CNTN4: variants seen among roughly 807,000 people sequenced by gnomAD.
CNTN4 encodes the protein contactin-4.
In CNTN4, 77 loss-of-function variants were observed where a neutral mutation model predicts 122.5. The observed-to-expected ratio is 0.63, with a 90% CI of 0.52 to 0.76. CNTN4 has a LOEUF of 0.76. CNTN4 is among the 30% of genes least tolerant of loss of function. The pLI is 0.00. For synonymous variants in CNTN4, 512 were observed against 447.0 expected, an observed-to-expected ratio of 1.15 and a Z score of -1.83; for missense variants, 1,256 against 1,259.1, an observed-to-expected ratio of 1.00 and a Z score of 0.04.
chr3:2,916,902 C>T (rs896275846), intron 12 of CNTN4, among the ~76,000 whole-genome samples: 6 of 150,374 alleles, frequency 4.0e-5, no homozygotes, highest in African/African-American at 7.4e-5. Context: ...GACGGGGTGG[C>T]GGCCGGGCAG....
At chr3:2,776,758 C>G (rs974241559) in intron 6 of CNTN4, among the ~76,000 whole-genome samples, 2 of 152,066 alleles carry the variant, frequency 1.3e-5, no homozygotes, top group Non-Finnish European at 2.9e-5. Context: ...TTTAACTGCA[C>G]TAAATTTTAT....
intron 6 of CNTN4, among the ~76,000 whole-genome samples, chr3:2,752,547 T>C (rs2090145773): frequency 6.6e-6 from 1 of 152,046 alleles, no homozygotes; most frequent in Non-Finnish European, 1.5e-5. Context: ...TCTATTTTTA[T>C]AGAGACAGGG....
chr3:2,578,867 T>C (rs923228599), intron 4 of CNTN4, among the ~76,000 whole-genome samples: 5 of 152,074 alleles, frequency 3.3e-5, no homozygotes, highest in Non-Finnish European at 5.9e-5. Context: ...AGTGACTCCA[T>C]TGATGAAAGT....
intron 2 of CNTN4, among the ~76,000 whole-genome samples, chr3:2,338,700 C>T (rs1316639784): frequency 6.6e-6 from 1 of 152,024 alleles, no homozygotes; most frequent in Non-Finnish European, 1.5e-5. Context: ...AAGTCGGTAG[C>T]TTTAAGAGAA....
chr3:2,583,004 G>A (rs1324750363), intron 4 of CNTN4, among the ~76,000 whole-genome samples: 1 of 151,906 alleles, frequency 6.6e-6, no homozygotes, highest in Non-Finnish European at 1.5e-5. Flanking sequence ...TATGTTGCTT[G>A]GGCTGCATAA....
chr3:2,405,595 G>GTAGA (rs61138023), intron 3 of CNTN4, among the ~76,000 whole-genome samples: 5,365 of 150,066 alleles, frequency 0.036, 149 homozygotes, highest in African/African-American at 0.076. Context: ...TTATAGATAG[G>GTAGA]TAGATAGATA....
chr3:2,213,652 G>A (rs1244590057), intron 2 of CNTN4, among the ~76,000 whole-genome samples: 1 of 152,118 alleles, frequency 6.6e-6, no homozygotes, highest in Non-Finnish European at 1.5e-5. Context: ...ATGCACTCCA[G>A]GCTCCCATTG....
intron 2 of CNTN4, among the ~76,000 whole-genome samples, chr3:2,169,753 C>T (rs1325610270): frequency 1.3e-5 from 2 of 152,094 alleles, no homozygotes; most frequent in Non-Finnish European, 2.9e-5. Flanking sequence ...TATAACAATT[C>T]ACTGTAAACA....
intron 4 of CNTN4, among the ~76,000 whole-genome samples, chr3:2,658,420 A>G (rs1378994866): frequency 6.6e-6 from 1 of 152,194 alleles, no homozygotes; most frequent in African/African-American, 2.4e-5. Flanking sequence ...GTCCTGCAAT[A>G]CTTACATCAC....
intron 23 of CNTN4, among the ~76,000 whole-genome samples, chr3:3,048,112 T>C (rs1421871343): frequency 6.6e-6 from 1 of 152,168 alleles, no homozygotes; most frequent in African/African-American, 2.4e-5. Flanking sequence ...GGAAGGTCAC[T>C]GTAACTGGCT....
rs577345514 is a variant in CNTN4, at chr3:2,434,712, C to G, written c.-89+95479C>G. On this transcript the variant is annotated intron_variant, in intron 3 of 24. Coordinates refer to ENST00000418658, the MANE Select transcript of CNTN4 (RefSeq NM_175607.3). Reference sequence around the variant, plus strand: ...TGGAGGTGTGAGTAGCTAAAGTTCTCTATGACTACAATTTTTTTCCACACC... The same window carrying G: ...TGGAGGTGTGAGTAGCTAAAGTTCTGTATGACTACAATTTTTTTCCACACC... 5.3e-5 allele frequency among the ~76,000 whole-genome samples: 8 copies of G among 152,248 alleles called. No individual in the cohort carries two copies. The South Asian group carries it at 1.5e-3, about 28-fold the overall frequency.
At chr3:3,053,381 G>T (rs1424164871) in intron 23 of CNTN4, among the ~76,000 whole-genome samples, 1 of 152,172 alleles carries the variant, frequency 6.6e-6, no homozygotes, top group Non-Finnish European at 1.5e-5. Context: ...GGGTATTATT[G>T]TCCCCCTTTT....
At chr3:2,993,726 C>G (rs1397020122) in intron 14 of CNTN4, among the ~76,000 whole-genome samples, 1 of 152,210 alleles carries the variant, frequency 6.6e-6, no homozygotes, top group Non-Finnish European at 1.5e-5. Context: ...ATAACTTTTT[C>G]TCTTCCTCAG....
intron 12 of CNTN4, among the ~76,000 whole-genome samples, chr3:2,913,996 C>G (rs1457384493): frequency 6.6e-6 from 1 of 152,024 alleles, no homozygotes; most frequent in Non-Finnish European, 1.5e-5. Context: ...AAATTGATAG[C>G]AGAGGAAAAA....
intron 2 of CNTN4, among the ~76,000 whole-genome samples, chr3:2,202,893 A>G (rs7643098): frequency 0.048 from 7,209 of 151,596 alleles, 313 homozygotes; most frequent in African/African-American, 0.12. Flanking sequence ...GCGTCATCTC[A>G]GCTCACTGCA....
At chr3:2,631,336 C>G (rs1367075135) in intron 4 of CNTN4, among the ~76,000 whole-genome samples, 3 of 152,096 alleles carry the variant, frequency 2.0e-5, no homozygotes, top group African/African-American at 7.2e-5. Flanking sequence ...GTTAGTGAAC[C>G]TCACAAATGA....
chr3:2,779,290 A>T (rs1215885409), intron 6 of CNTN4, among the ~76,000 whole-genome samples: 1 of 152,034 alleles, frequency 6.6e-6, no homozygotes, highest in South Asian at 2.1e-4. Flanking sequence ...TTCGTTTGTG[A>T]CAGGGTCACT....
chr3:2,909,881 C>T (rs556135235), intron 12 of CNTN4, among the ~76,000 whole-genome samples: 1 of 152,232 alleles, frequency 6.6e-6, no homozygotes, highest in South Asian at 2.1e-4. Flanking sequence ...TATCCAAGAC[C>T]ACCGTTTGAG....
chr3:3,009,118 C>T (rs1353767399), intron 14 of CNTN4: 2 of 763,836 alleles, frequency 2.6e-6, no homozygotes, highest in African/African-American at 3.8e-5. Context: ...CCTGGCATGA[C>T]TGGAGAGTAG....
Sources: gnomAD v4.1 joint callset for allele counts (sites outside exome capture counted in the v4.1 genomes callset) on GRCh38, gnomAD v4.1.1 for gene constraint, MANE v1.5 for transcripts, NCBI Gene and HGNC (gene_info 2026-07-23, HGNC 2026-07-21) for gene names.